The following GPHN variants were observed in gnomAD, a reference collection of about 807,000 sequenced individuals.
The protein encoded by GPHN is gephyrin.
Under a neutral mutation model 95.5 loss-of-function variants are expected in GPHN, and 17 were observed. The observed-to-expected ratio is 0.18, with a 90% CI of 0.12 to 0.27. The LOEUF is 0.27. Among genes scored for constraint, GPHN ranks in the 10% least tolerant of loss-of-function variants. GPHN has a pLI of 1.00. For missense variants in GPHN, 660 were observed against 978.1 expected (o/e 0.67, Z 4.34); for synonymous variants, 320 against 322.5 (o/e 0.99, Z 0.08).
chr14:67,722,280 A>T, the GPHN span: 1 of 368,846 alleles, frequency 2.7e-6, no homozygotes, highest in Non-Finnish European at 5.2e-6. Context: ...TAGAGGTGGC[A>T]GTGGTTGGGA....
intron 2 of GPHN, among the ~76,000 whole-genome samples, chr14:66,757,496 T>C (rs2058605367): frequency 6.6e-6 from 1 of 152,126 alleles, no homozygotes; most frequent in Non-Finnish European, 1.5e-5. Flanking sequence ...TTCAAGCGAT[T>C]CTCCTGCCTT....
chr14:66,593,647 A>T (rs1221056448), intron 1 of GPHN, among the ~76,000 whole-genome samples: 1 of 152,188 alleles, frequency 6.6e-6, no homozygotes, highest in Non-Finnish European at 1.5e-5. Flanking sequence ...GGGGACACAA[A>T]GCCAAATCAT....
At chr14:67,659,671 A>G in the GPHN span, 12 of 1,497,464 alleles carry the variant, frequency 8.0e-6, no homozygotes, top group African/African-American at 2.8e-5. Context: ...CAATATAGTT[A>G]ATTTTTGTAC....
the GPHN span, among the ~76,000 whole-genome samples, chr14:67,307,935 A>G: frequency 2.2e-4 from 33 of 152,190 alleles, no homozygotes; most frequent in African/African-American, 8.0e-4. Flanking sequence ...TTGCAGGGAC[A>G]TGGATGGAGT....
the GPHN span, chr14:67,674,271 G>A: frequency 1.2e-5 from 13 of 1,096,398 alleles, no homozygotes; most frequent in South Asian, 1.7e-5. Flanking sequence ...CTGAGGACGC[G>A]GAGGGAGGAG....
intron 8 of GPHN, among the ~76,000 whole-genome samples, chr14:66,937,176 G>T (rs936631384): frequency 3.3e-5 from 5 of 151,954 alleles, no homozygotes; most frequent in African/African-American, 1.2e-4. Flanking sequence ...GCTAATTTTT[G>T]TATTTTTTGT....
At chr14:67,542,547 G>A in the GPHN span, among the ~76,000 whole-genome samples, 2 of 152,078 alleles carry the variant, frequency 1.3e-5, no homozygotes, top group African/African-American at 4.8e-5. Flanking sequence ...AATTATATCA[G>A]ATCACATATG....
At chr14:66,730,043 A>G (rs1476877203) in intron 2 of GPHN, among the ~76,000 whole-genome samples, 2 of 152,238 alleles carry the variant, frequency 1.3e-5, no homozygotes, top group Non-Finnish European at 2.9e-5. Context: ...TGGTTAAATT[A>G]ATGGAAACAA....
the GPHN span, among the ~76,000 whole-genome samples, chr14:67,518,036 C>A: frequency 6.6e-6 from 1 of 152,144 alleles, no homozygotes; most frequent in South Asian, 2.1e-4. Flanking sequence ...AACTTACATA[C>A]AGAATTGTGG....
At chr14:67,032,159 C>T (rs1297343594) in intron 10 of GPHN, among the ~76,000 whole-genome samples, 2 of 152,166 alleles carry the variant, frequency 1.3e-5, no homozygotes, top group African/African-American at 4.8e-5. Context: ...AGAGAAAACA[C>T]CCTACTCATG....
chr14:67,480,234 G>T, the GPHN span, among the ~76,000 whole-genome samples: 2 of 152,040 alleles, frequency 1.3e-5, no homozygotes, highest in Non-Finnish European at 2.9e-5. Context: ...CCCTGCTCTC[G>T]GCAGCCTCCA....
At chr14:67,037,700 C>T (rs1052833758) in intron 10 of GPHN, among the ~76,000 whole-genome samples, 5 of 151,376 alleles carry the variant, frequency 3.3e-5, no homozygotes, top group Non-Finnish European at 7.4e-5. Flanking sequence ...TGAAAAGCTG[C>T]TCAATGTCAC....
the GPHN span, among the ~76,000 whole-genome samples, chr14:67,721,947 G>A: frequency 1.3e-5 from 2 of 152,118 alleles, no homozygotes; most frequent in Non-Finnish European, 2.9e-5. Context: ...ATGCATGTGC[G>A]TGTGTTAACT....
the GPHN span, among the ~76,000 whole-genome samples, chr14:67,423,737 T>C: frequency 3.9e-5 from 6 of 152,316 alleles, no homozygotes; most frequent in South Asian, 1.2e-3. Flanking sequence ...ATTTCTTCCA[T>C]CTCACTGGGC....
chr14:66,603,831 A>C (rs1257312514), intron 1 of GPHN, among the ~76,000 whole-genome samples: 1 of 133,374 alleles, frequency 7.5e-6, no homozygotes, highest in African/African-American at 3.8e-5. Flanking sequence ...AATTCCTCAA[A>C]TCTAAAAATT....
chr14:66,940,597 T>C (rs2067372430), intron 8 of GPHN, among the ~76,000 whole-genome samples: 1 of 152,202 alleles, frequency 6.6e-6, no homozygotes, highest in African/African-American at 2.4e-5. Context: ...CCAGACCCCA[T>C]TTATGCGATG....
chr14:66,542,471 C>T (rs2059386659), intron 1 of GPHN, among the ~76,000 whole-genome samples: 1 of 152,170 alleles, frequency 6.6e-6, no homozygotes, highest in Non-Finnish European at 1.5e-5. Context: ...ACCCATCTAC[C>T]ACCATCTCCA....
downstream of GPHN, among the ~76,000 whole-genome samples, chr14:67,182,685 G>T (rs2140221099): frequency 6.6e-6 from 1 of 152,088 alleles, no homozygotes; most frequent in East Asian, 1.9e-4. Flanking sequence ...CACTTCATTA[G>T]GGAGATAACA....
intron 1 of GPHN, among the ~76,000 whole-genome samples, chr14:66,662,713 A>C (rs2065733355): frequency 6.6e-6 from 1 of 152,248 alleles, no homozygotes; most frequent in Non-Finnish European, 1.5e-5. Flanking sequence ...CAATGCAGGA[A>C]GCTACAGATC....
Sources: allele counts gnomAD v4.1 joint callset (sites outside exome capture counted in the v4.1 genomes callset), GRCh38; gene constraint gnomAD v4.1.1; transcripts MANE v1.5; gene names NCBI Gene and HGNC (gene_info 2026-07-23, HGNC 2026-07-21).